Variants in SVIL observed in about 807,000 individuals in gnomAD.
The protein encoded by SVIL is archvillin.
In SVIL, 101 loss-of-function variants were observed where a neutral mutation model predicts 240.4. The observed-to-expected ratio is 0.42, with a 90% confidence interval of 0.36 to 0.50. The LOEUF is 0.50. SVIL is among the 20% of genes least tolerant of loss of function. The pLI is 0.01. For synonymous variants in SVIL, 999 were observed against 1,100.0 expected, an observed-to-expected ratio of 0.91 and a Z score of 1.82; for missense variants, 2,512 against 2,818.7, an observed-to-expected ratio of 0.89 and a Z score of 2.46.
At chr10:29,480,265 G>A (rs181524189) in intron 29 of SVIL, among the ~76,000 whole-genome samples, 1 of 152,334 alleles carries the variant, frequency 6.6e-6, no homozygotes, top group Non-Finnish European at 1.5e-5. Flanking sequence ...CAGGGGCAGG[G>A]GAGGGAGAGA....
chr10:29,683,617 T>C (rs1281305992), intron 2 of SVIL, among the ~76,000 whole-genome samples: 1 of 152,238 alleles, frequency 6.6e-6, no homozygotes, highest in African/African-American at 2.4e-5. Flanking sequence ...ACAGGCTTAT[T>C]ATAATCAACT....
rs185566597 is a variant in SVIL, at chr10:29,664,207, G to C, written c.-300-6139C>G. ...TCACAAGTGGAAAAATTGAGTTAAT[G>C]GGCAGAATTCTCAACTTTAAGAATC... On this transcript the variant is annotated intron_variant, in intron 2 of 35. Coordinates refer to the SVIL transcript ENST00000375400. Among the ~76,000 whole-genome samples the C allele has an allele frequency of 5.9e-4, 90 of 152,230 alleles. No homozygotes were observed. In the South Asian group the frequency reaches 0.011, roughly 18 times the overall value.
chr10:29,507,597 C>CCA (rs60592993), intron 17 of SVIL: 8,599 of 166,540 alleles, frequency 0.052, 221 homozygotes, highest in Middle Eastern at 0.088. Context: ...AATTGTACTG[C>CCA]CACACACACA....
intron 1 of SVIL, among the ~76,000 whole-genome samples, chr10:29,703,286 GT>G (rs1962654796): frequency 6.6e-6 from 1 of 152,112 alleles, no homozygotes; most frequent in African/African-American, 2.4e-5. Context: ...CTGGATCACC[GT>G]GAGGGTGAAA....
chr10:29,503,054 G>A (rs1176945674), intron 17 of SVIL, among the ~76,000 whole-genome samples: 1 of 152,120 alleles, frequency 6.6e-6, no homozygotes, highest in Non-Finnish European at 1.5e-5. Context: ...TTATTCACAT[G>A]TAGTTAAACT....
At position 29,583,638 on chromosome 10, in the gene SVIL, T is replaced by C. The variant is rs117771763; in HGVS notation, c.-200-14326A>G. Reference sequence around the variant, plus strand: ...TTAACTGGTACCCAAGACCTACCAGTCTTTCAGAACAGGTCCCCAGCCCCT... The same window carrying C: ...TTAACTGGTACCCAAGACCTACCAGCCTTTCAGAACAGGTCCCCAGCCCCT... On this transcript the variant is annotated intron_variant, in intron 1 of 37. Coordinates refer to ENST00000355867, the MANE Select transcript of SVIL (RefSeq NM_021738.3). Among the ~76,000 whole-genome samples, 17 of 152,228 alleles carry C rather than the reference T, an allele frequency of 1.1e-4. No homozygotes were observed. The East Asian group carries it at 3.1e-3, about 28-fold the overall frequency.
At chr10:29,731,692 C>A (rs1964630802) in intron 1 of SVIL, among the ~76,000 whole-genome samples, 1 of 152,146 alleles carries the variant, frequency 6.6e-6, no homozygotes, top group Non-Finnish European at 1.5e-5. Context: ...CTGACATTTC[C>A]TTTTAAACCG....
intron 1 of SVIL, among the ~76,000 whole-genome samples, chr10:29,609,528 G>T (rs1158758188): frequency 6.6e-6 from 1 of 152,234 alleles, no homozygotes; most frequent in African/African-American, 2.4e-5. Context: ...AAGTAGAGAA[G>T]AGCTGCAGCC....
At chr10:29,688,069 C>T (rs75332665) in intron 1 of SVIL, among the ~76,000 whole-genome samples, 2,321 of 152,234 alleles carry the variant, frequency 0.015, 45 homozygotes, top group East Asian at 0.096. Context: ...GTGTCAATTA[C>T]GCTTCATTTA....
At chr10:29,723,259 G>T (rs901826133) in intron 1 of SVIL, among the ~76,000 whole-genome samples, 6 of 152,140 alleles carry the variant, frequency 3.9e-5, no homozygotes, top group Non-Finnish European at 5.9e-5. Flanking sequence ...AATTAAAAAT[G>T]TATCTCAGTT....
chr10:29,525,529 G>A (rs992286277), intron 13 of SVIL, among the ~76,000 whole-genome samples: 5 of 152,174 alleles, frequency 3.3e-5, no homozygotes, highest in African/African-American at 9.7e-5. Flanking sequence ...TGGGAGGATC[G>A]CTTGAGCCTG....
intron 30 of SVIL, 64 bp from the exon 31 acceptor site, chr10:29,471,307 A>C: frequency 3.2e-6 from 4 of 1,252,390 alleles, no homozygotes; most frequent in Non-Finnish European, 3.3e-6. Context: ...TAAAAACAAT[A>C]CATGCCTCTT....
intron 34 of SVIL, among the ~76,000 whole-genome samples, chr10:29,463,983 G>T (rs1944580659): frequency 6.6e-6 from 1 of 152,212 alleles, no homozygotes. Flanking sequence ...TAATGCATGT[G>T]CCACTCAAGG....
chr10:29,488,975 G>C (rs1387865907), intron 22 of SVIL, among the ~76,000 whole-genome samples: 1 of 152,246 alleles, frequency 6.6e-6, no homozygotes, highest in African/African-American at 2.4e-5. Context: ...TTGTTGACAA[G>C]TGTCACTCCA....
chr10:29,592,024 A>C (rs1353277307), intron 1 of SVIL, among the ~76,000 whole-genome samples: 1 of 152,124 alleles, frequency 6.6e-6, no homozygotes, highest in Non-Finnish European at 1.5e-5. Flanking sequence ...GCTGAGGCAG[A>C]TGGATCACTT....
At chr10:29,624,745 T>C (rs1957800952) in intron 1 of SVIL, among the ~76,000 whole-genome samples, 1 of 152,168 alleles carries the variant, frequency 6.6e-6, no homozygotes, top group Non-Finnish European at 1.5e-5. Flanking sequence ...GCTGCATGCA[T>C]AAAAGTTAGC....
At chr10:29,465,535 A>C (rs1944807456) in intron 34 of SVIL, 60 bp downstream of exon 34, 3 of 1,538,160 alleles carry the variant, frequency 2.0e-6, no homozygotes, top group Non-Finnish European at 2.6e-6. Context: ...GTAAAATCAA[A>C]AGGCTTTCTG....
At position 29,554,915 on chromosome 10, in the gene SVIL, G is replaced by T. The variant is rs761823710; in HGVS notation, c.28C>A (p.Arg10Ser). 6.8e-6 allele frequency: 11 copies of T among 1,611,640 alleles called. 1 individual carries two copies. Among genetic ancestry groups the T allele is most frequent in the South Asian group, 5.5e-5 (5 of 90,692 alleles). The change falls in exon 5 of 38, where the codon CGC (arginine) becomes AGC (serine). Residue 10 changes from arginine (R) to serine (S), a missense_variant. Around this residue, in one of 3 missense-constraint regions of SVIL, gnomAD observed 1,443 missense variants for 1,486.6 expected, o/e 0.97. Coordinates refer to ENST00000355867, the MANE Select transcript of SVIL (RefSeq NM_021738.3). Reference sequence around the variant, plus strand: ...GTGTCATTTTCAATCCCTTCCAGGCGCCTGGCAATTCTTTCTTTTCTGTGA... The same window carrying T: ...GTGTCATTTTCAATCCCTTCCAGGCTCCTGGCAATTCTTTCTTTTCTGTGA... MKRKERIAR[R>S]LEGIENDTQP...
chr10:29,532,387 A>G, intron 8 of SVIL, 142 bp downstream of exon 8: 1 of 1,398,160 alleles, frequency 7.2e-7, no homozygotes, highest in East Asian at 2.5e-5. Flanking sequence ...TTTTTGAGCC[A>G]TTTTCCGCAT....
Sources: allele counts gnomAD v4.1 joint callset (sites outside exome capture counted in the v4.1 genomes callset), GRCh38; gene constraint gnomAD v4.1.1; regional missense constraint gnomAD v4.1.1; transcripts MANE v1.5; gene names NCBI Gene and HGNC (gene_info 2026-07-23, HGNC 2026-07-21).